ACTR10: variants seen among roughly 807,000 people sequenced by gnomAD.
ACTR10 encodes actin related protein 10, also known as actin-related protein 10.
ACTR10 carries 43 observed loss-of-function variants against 56.2 expected under a neutral mutation model. The ratio of observed to expected loss-of-function variants is 0.77; its 90% CI spans 0.60 to 0.99. ACTR10 has a LOEUF of 0.99. ACTR10 is among the 50% of genes least tolerant of loss of function. The pLI, the probability that ACTR10 is intolerant of heterozygous loss-of-function variation, is 0.00. For synonymous variants in ACTR10, 170 were observed against 176.3 expected, an observed-to-expected ratio of 0.96 and a Z score of 0.28; for missense variants, 466 against 507.8, an observed-to-expected ratio of 0.92 and a Z score of 0.79.
At chr14:58,228,681 CTTTTTTTTTTTT>C (rs35498207) in intron 10 of ACTR10, among the ~76,000 whole-genome samples, 3 of 40,788 alleles carry the variant, frequency 7.4e-5, no homozygotes, top group East Asian at 9.7e-4. Flanking sequence ...GCAAGACAGA[CTTTTTTTTTTTT>C]TTTTTTTTTT....
intron 6 of ACTR10, among the ~76,000 whole-genome samples, chr14:58,214,306 T>C (rs575984026): frequency 5.3e-5 from 8 of 152,308 alleles, no homozygotes; most frequent in African/African-American, 1.9e-4. Flanking sequence ...CTTAACATAA[T>C]GATCTCCAGT....
chr14:58,232,910 C>G (rs1159089595), intron 12 of ACTR10, among the ~76,000 whole-genome samples: 2 of 148,874 alleles, frequency 1.3e-5, no homozygotes, highest in Non-Finnish European at 3.0e-5. Flanking sequence ...CTTTGTTGCC[C>G]GTCCAGCTGG....
chr14:58,221,731 ACT>A (rs1464942891), intron 8 of ACTR10, among the ~76,000 whole-genome samples: 1 of 152,050 alleles, frequency 6.6e-6, no homozygotes, highest in East Asian at 1.9e-4. Flanking sequence ...ACAGAGTGAA[ACT>A]CTGTCTCAAA....
In ACTR10 at chr14:58,235,452, G is replaced by GA. The variant is rs1473491601; in HGVS notation, c.*907dup. On this transcript the variant is annotated 3_prime_UTR_variant, in exon 13 of 13. Coordinates refer to ENST00000254286, the MANE Select transcript of ACTR10 (RefSeq NM_018477.3). ...TTAATGAGCAATTCTACATTTCTAA[G>GA]AAAAAAGATACTTCATTTTTATATA... The GA allele has an allele frequency of 6.6e-6, 1 of 151,736 alleles. No homozygotes were observed. Among genetic ancestry groups the GA allele is most frequent in the Non-Finnish European group, 1.5e-5 (1 of 67,928 alleles). The allele number at this position is 151,736 out of a possible 1,614,324, so 9.4% of individuals were successfully genotyped here.
chr14:58,211,181 A>G (rs1888984207), intron 4 of ACTR10, 111 bp from the exon 5 acceptor site: 1 of 759,302 alleles, frequency 1.3e-6, no homozygotes, highest in Non-Finnish European at 2.2e-6. Context: ...CACCATATAA[A>G]TTAATATAAT....
chr14:58,225,498 A>G (rs139869400), intron 10 of ACTR10, among the ~76,000 whole-genome samples: 65 of 152,312 alleles, frequency 4.3e-4, no homozygotes, highest in African/African-American at 1.4e-3. Context: ...GAACATAAAT[A>G]CACAGAAGTT....
chr14:58,211,438 C>G (rs1391019091), intron 5 of ACTR10, 39 bp downstream of exon 5: 2 of 1,425,764 alleles, frequency 1.4e-6, no homozygotes, highest in African/African-American at 2.8e-5. Flanking sequence ...GCAGTTTTTA[C>G]TCTACTTTAA....
intron 1 of ACTR10, among the ~76,000 whole-genome samples, chr14:58,201,374 G>C (rs1228395915): frequency 6.6e-6 from 1 of 152,090 alleles, no homozygotes; most frequent in Non-Finnish European, 1.5e-5. Flanking sequence ...GTACTTGGAA[G>C]AAATAAGCAA....
chr14:58,207,909 T>C, intron 2 of ACTR10, 27 bp from the exon 3 acceptor site: 1 of 1,294,024 alleles, frequency 7.7e-7, no homozygotes, highest in South Asian at 1.7e-5. Flanking sequence ...TTAATATAAA[T>C]TAATAAATCA....
chr14:58,215,373 A>T, intron 7 of ACTR10, 89 bp downstream of exon 7: 2 of 797,856 alleles, frequency 2.5e-6, no homozygotes, highest in Non-Finnish European at 4.1e-6. Flanking sequence ...TTGCATGATT[A>T]TTCTCTTTTC....
At chr14:58,223,956 C>G in intron 10 of ACTR10, 100 bp downstream of exon 10, 1 of 911,752 alleles carries the variant, frequency 1.1e-6, no homozygotes, top group Non-Finnish European at 1.7e-6. Flanking sequence ...GCCATTTTAA[C>G]AGTTCAGTGT....
At chr14:58,228,564 T>A (rs1161427773) in intron 10 of ACTR10, among the ~76,000 whole-genome samples, 2 of 148,702 alleles carry the variant, frequency 1.3e-5, no homozygotes, top group Non-Finnish European at 3.0e-5. Context: ...TGATCCGGGA[T>A]CACACCATTG....
rs1172270145 is a variant in ACTR10, at chr14:58,200,163, G to C, written c.-55G>C. 8.1e-6 allele frequency: 11 copies of C among 1,363,652 alleles called. No individual in the cohort carries two copies. In the Admixed American group the frequency reaches 1.0e-4, roughly 12 times the overall value. The allele number at this position is 1,363,652 out of a possible 1,614,324, so 84.5% of individuals were successfully genotyped here. ...GCCCCGGCCCCGCCCCGCGAGCGCC[G>C]AGACTTGTTGGCCGCGGAGACTGCG... is the stretch of plus-strand genomic sequence containing the variant. On this transcript the variant is annotated 5_prime_UTR_variant, in exon 1 of 13. Transcript: ENST00000254286.
intron 5 of ACTR10, among the ~76,000 whole-genome samples, chr14:58,212,334 C>A (rs989895760): frequency 6.6e-6 from 1 of 152,072 alleles, no homozygotes; most frequent in Non-Finnish European, 1.5e-5. Context: ...AATTACTGAC[C>A]GTATAAACTA....
intron 10 of ACTR10, among the ~76,000 whole-genome samples, chr14:58,226,342 T>C (rs190667431): frequency 1.3e-5 from 2 of 149,834 alleles, no homozygotes; most frequent in African/African-American, 4.9e-5. Flanking sequence ...CAAACTCCAC[T>C]CAAGCAATCC....
intron 4 of ACTR10, 78 bp from the exon 5 acceptor site, chr14:58,211,214 A>G: frequency 1.9e-6 from 2 of 1,057,112 alleles, no homozygotes; most frequent in South Asian, 2.8e-5. Context: ...TTTTTCAAAT[A>G]TATTTGGATA....
chr14:58,214,781 G>A (rs1030697594), intron 6 of ACTR10, among the ~76,000 whole-genome samples: 5 of 146,482 alleles, frequency 3.4e-5, no homozygotes, highest in Admixed American at 1.4e-4. Flanking sequence ...GTGAGCCACC[G>A]TGCCTGGCAG....
intron 8 of ACTR10, among the ~76,000 whole-genome samples, chr14:58,220,117 A>G (rs1324939155): frequency 6.6e-6 from 1 of 152,220 alleles, no homozygotes; most frequent in Non-Finnish European, 1.5e-5. Flanking sequence ...AAAGTACTAC[A>G]CAGTACATTG....
intron 2 of ACTR10, among the ~76,000 whole-genome samples, chr14:58,204,467 C>G (rs1374038296): frequency 6.6e-6 from 1 of 152,172 alleles, no homozygotes; most frequent in Non-Finnish European, 1.5e-5. Context: ...GGGAGGATCA[C>G]TTGAGCCCAG....
Sources: allele counts gnomAD v4.1 joint callset (sites outside exome capture counted in the v4.1 genomes callset), GRCh38; gene constraint gnomAD v4.1.1; transcripts MANE v1.5; gene names NCBI Gene and HGNC (gene_info 2026-07-23, HGNC 2026-07-21).